Variants in DEPTOR observed in about 807,000 individuals in gnomAD.
DEPTOR encodes the protein DEP domain-containing mTOR-interacting protein.
DEPTOR carries 41 observed loss-of-function variants against 41.6 expected under a neutral mutation model. The ratio of observed to expected loss-of-function variants is 0.98; its 90% confidence interval spans 0.77 to 1.28. DEPTOR has a LOEUF of 1.28. Among genes scored for constraint, DEPTOR ranks in the 50% most tolerant of loss-of-function variants. DEPTOR has a pLI of 0.00. For missense variants in DEPTOR, 514 were observed against 527.9 expected (o/e 0.97, Z 0.26); for synonymous variants, 195 against 192.3 (o/e 1.01, Z -0.12).
chr8:119,893,686 G>A (rs1303494869), intron 1 of DEPTOR, among the ~76,000 whole-genome samples: 1 of 152,060 alleles, frequency 6.6e-6, no homozygotes, highest in Non-Finnish European at 1.5e-5. Flanking sequence ...AAAATTAGTG[G>A]GTGTGGTGGC....
At chr8:120,006,403 A>T (rs1051520677) in intron 6 of DEPTOR, among the ~76,000 whole-genome samples, 3 of 152,062 alleles carry the variant, frequency 2.0e-5, no homozygotes, top group African/African-American at 7.2e-5. Flanking sequence ...GGGTGCCTGT[A>T]ATCCCAGCTA....
At chr8:119,916,908 G>T (rs1827822061) in intron 1 of DEPTOR, among the ~76,000 whole-genome samples, 1 of 152,222 alleles carries the variant, frequency 6.6e-6, no homozygotes, top group Non-Finnish European at 1.5e-5. Flanking sequence ...CACCCAGGCT[G>T]AGGCGTGTGC....
In DEPTOR at chr8:119,928,509, G is replaced by A. The variant is rs1228856861; in HGVS notation, c.232G>A (p.Glu78Lys). The A allele has an allele frequency of 3.7e-6, 6 of 1,614,170 alleles. No individual in the cohort carries two copies. The highest frequency in any genetic ancestry group is 2.2e-5 in the South Asian group (2 of 91,086). The change falls in exon 2 of 9, where the codon GAG becomes AAG. Residue 78 changes from glutamate to lysine, a missense_variant. Physicochemically the swap from Glu to Lys is moderately conservative, Grantham distance 56. Transcript: ENST00000286234. ...GATTGACTGGCTGATTGAACACAAA[G>A]AGGCTTCTGACAGAGAGACGGCAAT... ...ELIDWLIEHK[E>K]ASDRETAIKL...
At chr8:120,047,499 C>A (rs1813169361) in intron 8 of DEPTOR, among the ~76,000 whole-genome samples, 1 of 151,872 alleles carries the variant, frequency 6.6e-6, no homozygotes, top group Admixed American at 6.6e-5. Flanking sequence ...TTCCAAGTAG[C>A]TGGGATTACA....
chr8:119,913,381 T>C (rs7824545), intron 1 of DEPTOR, among the ~76,000 whole-genome samples: 75,771 of 152,026 alleles, frequency 0.5, 20,604 homozygotes, highest in East Asian at 0.92. Context: ...ATGACAAAAG[T>C]TGTTCATCAG....
Position 120,003,053 on chromosome 8 carries a change from C to A in DEPTOR, c.867C>A (p.Tyr289Ter), listed in dbSNP as rs866028199. The change falls in exon 6 of 9, where the codon TAC (tyrosine) becomes TAA (stop). Residue 289 changes from tyrosine (Y) to a stop codon, truncating the protein, a stop_gained. Transcript: ENST00000286234. LOFTEE classifies it high-confidence loss of function. ...SSMSSCGSSG[Y>*]FSSSPTLSSS... The stretch of plus-strand genomic sequence containing the variant: ...TGAGCAGCTGTGGCAGCAGCGGCTA[C>A]TTCAGCAGCAGCCCCACCCTCAGCA... 2 of 1,611,632 alleles carry A rather than the reference C, an allele frequency of 1.2e-6. No homozygotes were observed. The highest frequency in any genetic ancestry group is 2.2e-5 in the East Asian group (1 of 44,750).
chr8:119,879,003 G>A (rs116467759), intron 1 of DEPTOR, among the ~76,000 whole-genome samples: 2,191 of 151,892 alleles, frequency 0.014, 51 homozygotes, highest in African/African-American at 0.051. Context: ...TCAGCTACTC[G>A]AGAGTCTAAG....
At chr8:119,879,801 G>A in intron 1 of DEPTOR, among the ~76,000 whole-genome samples, 1 of 151,902 alleles carries the variant, frequency 6.6e-6, no homozygotes, top group Non-Finnish European at 1.5e-5. Context: ...CCTGAGGTTG[G>A]GAGTTCAAGA....
intron 1 of DEPTOR, among the ~76,000 whole-genome samples, chr8:119,891,852 T>C (rs907162456): frequency 2.0e-5 from 3 of 152,232 alleles, no homozygotes; most frequent in Admixed American, 2.0e-4. Context: ...TGAGGAATAA[T>C]TAAGATGCAG....
intron 4 of DEPTOR, 21 bp from the exon 5 acceptor site, chr8:120,001,501 GGTT>G (rs1430880427): frequency 6.3e-7 from 1 of 1,576,074 alleles, no homozygotes; most frequent in African/African-American, 1.5e-5. Context: ...AGTCCTCATT[GGTT>G]GTTTTTTTTT....
At chr8:119,894,296 G>T (rs552264588) in intron 1 of DEPTOR, among the ~76,000 whole-genome samples, 1 of 152,104 alleles carries the variant, frequency 6.6e-6, no homozygotes, top group Non-Finnish European at 1.5e-5. Context: ...AAACTCCTGG[G>T]CTCAAGCGAG....
At chr8:120,047,815 GT>G (rs1417421659) in intron 8 of DEPTOR, among the ~76,000 whole-genome samples, 1 of 152,182 alleles carries the variant, frequency 6.6e-6, no homozygotes, top group Non-Finnish European at 1.5e-5. Flanking sequence ...GGAGGCCAAG[GT>G]GGGAGGATCA....
chr8:120,038,625 TAAAC>T (rs928591971), intron 8 of DEPTOR, among the ~76,000 whole-genome samples: 62 of 147,926 alleles, frequency 4.2e-4, no homozygotes, highest in African/African-American at 1.2e-3. Context: ...AAGAAATAAA[TAAAC>T]AAATAATAAA....
intron 8 of DEPTOR, among the ~76,000 whole-genome samples, chr8:120,049,002 A>G (rs752588383): frequency 5.3e-5 from 8 of 152,164 alleles, no homozygotes; most frequent in Non-Finnish European, 8.8e-5. Flanking sequence ...AGTAATAAGT[A>G]TAGATATTTT....
chr8:119,898,808 T>G (rs572473162), intron 1 of DEPTOR, among the ~76,000 whole-genome samples: 1 of 152,256 alleles, frequency 6.6e-6, no homozygotes, highest in African/African-American at 2.4e-5. Context: ...AATACTTCAC[T>G]TAAATAGTTA....
chr8:119,940,070 A>T (rs1454321842), intron 3 of DEPTOR, among the ~76,000 whole-genome samples: 2 of 151,886 alleles, frequency 1.3e-5, no homozygotes, highest in Non-Finnish European at 2.9e-5. Context: ...ATTCAAAATT[A>T]TCCAAGCTTG....
intron 8 of DEPTOR, among the ~76,000 whole-genome samples, chr8:120,025,410 C>T (rs1563595870): frequency 6.6e-6 from 1 of 151,890 alleles, no homozygotes; most frequent in Non-Finnish European, 1.5e-5. Flanking sequence ...CTAGTTACAG[C>T]TTATGGTTCT....
intron 3 of DEPTOR, among the ~76,000 whole-genome samples, chr8:119,952,536 GT>G (rs1055796224): frequency 6.2e-4 from 94 of 152,290 alleles, no homozygotes; most frequent in African/African-American, 2.1e-3. Flanking sequence ...TGCCATGGTG[GT>G]TTGCTGGCAC....
chr8:119,957,578 T>C (rs1828433510), intron 3 of DEPTOR, among the ~76,000 whole-genome samples: 1 of 150,640 alleles, frequency 6.6e-6, no homozygotes, highest in African/African-American at 2.4e-5. Context: ...TCTATTTTTT[T>C]TTTCTTTCTT....
Sources: allele counts gnomAD v4.1 joint callset (sites outside exome capture counted in the v4.1 genomes callset), GRCh38; gene constraint gnomAD v4.1.1; transcripts MANE v1.5; gene names NCBI Gene and HGNC (gene_info 2026-07-23, HGNC 2026-07-21).